The following CUL7 variants were observed in gnomAD, a reference collection of about 807,000 sequenced individuals.
CUL7 encodes the protein cullin-7.
In CUL7, 96 loss-of-function variants were observed where a neutral mutation model predicts 177.7. The observed-to-expected ratio is 0.54, with a 90% CI of 0.46 to 0.64. The LOEUF is 0.64. Ranked by LOEUF, CUL7 falls within the 30% of genes least tolerant of loss-of-function variation. CUL7 has a pLI of 0.00. For synonymous variants in CUL7, 824 were observed against 890.2 expected, an observed-to-expected ratio of 0.93 and a Z score of 1.32; for missense variants, 1,893 against 2,187.9, an observed-to-expected ratio of 0.87 and a Z score of 2.69.
At position 43,043,604 on chromosome 6, in the gene CUL7, A is replaced by G; in HGVS notation, c.3199T>C (p.Trp1067Arg). 1 of 1,611,748 alleles carries G rather than the reference A, an allele frequency of 6.2e-7. No individual in the cohort carries two copies. Among genetic ancestry groups the G allele is most frequent in the Non-Finnish European group, 8.5e-7 (1 of 1,178,800 alleles). Residue 1067 changes from tryptophan (W) to arginine (R), a missense_variant, in exon 17 of 26, where the codon TGG becomes CGG. By Grantham distance (101) the Trp-to-Arg change is moderately radical. Transcript: ENST00000265348. The surrounding 1 kb of genome is among the most constrained non-coding windows in gnomAD (Gnocchi z 4.2). Reference sequence around the variant, plus strand: ...CACTCCAGGTACTGGTCCAGCAGCCAACCCAGGGGGCTAATGCCATCCTCA... The same window carrying G: ...CACTCCAGGTACTGGTCCAGCAGCCGACCCAGGGGGCTAATGCCATCCTCA... ...PDEDGISPLGWLLDQYLECQE... is the reference protein window; with the variant it reads ...PDEDGISPLGRLLDQYLECQE...
Position 43,037,744 on chromosome 6 carries a change from G to T in CUL7, c.5041C>A (p.Arg1681=). 6.4e-7 allele frequency: 1 copy of T among 1,573,852 alleles called. No homozygotes were observed. Among genetic ancestry groups the T allele is most frequent in the Non-Finnish European group, 8.6e-7 (1 of 1,159,508 alleles). The change falls in exon 26 of 26, where the codon CGG becomes AGG. Residue 1681 remains arginine (R), a synonymous_variant. Coordinates refer to ENST00000265348, the MANE Select transcript of CUL7 (RefSeq NM_014780.5). The part of the protein sequence containing the change: ...LTFHTLQIRS[R]GVPYASCTAT... ...GTGCAGGAGGCATAGGGCACACCCC[G>T]GGAGCGAATCTGTAGGGTATGGAAG...
At position 43,051,985 on chromosome 6, in the gene CUL7, G is replaced by A. The variant is rs1764451436; in HGVS notation, c.581-222C>T. On this transcript the variant is annotated intron_variant, in intron 2 of 25. Coordinates refer to ENST00000265348, the MANE Select transcript of CUL7 (RefSeq NM_014780.5). This position sits in a 1 kb window ranked among gnomAD's most constrained non-coding sequence, Gnocchi z 5.0. ...TCTAAATTCTTCCTTTGCATAAAAA[G>A]CAACTAATTAATATGAGGTTCTTGA... is the stretch of plus-strand genomic sequence containing the variant. The A allele has an allele frequency of 4.2e-6, 4 of 947,212 alleles. No individual in the cohort carries two copies. The highest frequency in any genetic ancestry group is 6.3e-6 in the Non-Finnish European group (4 of 638,422). The allele number at this position is 947,212 out of a possible 1,614,324, so 58.7% of individuals were successfully genotyped here. A position where few individuals can be genotyped will look rare whatever the true frequency, so the allele number is the denominator to read the frequency against.
chr6:43,049,439 G>A lies in CUL7; in HGVS notation c.1793C>T (p.Ala598Val). The A allele has an allele frequency of 6.2e-7, 1 of 1,614,218 alleles. No individual in the cohort carries two copies. Among genetic ancestry groups the A allele is most frequent in the Admixed American group, 1.7e-5 (1 of 60,028 alleles). ...DVLLLDAQAQ[A>V]KDSEDAAKVE... ...TTTGGCTGCATCTTCTGAGTCCTTAGCCTGGGCCTGCGCGTCTAGCAGGAG... is the reference window on the plus strand; with the variant it reads ...TTTGGCTGCATCTTCTGAGTCCTTAACCTGGGCCTGCGCGTCTAGCAGGAG... Residue 598 changes from alanine to valine, a missense_variant, in exon 7 of 26, where the codon GCT becomes GTT. Physicochemically the swap from Ala to Val is moderately conservative, Grantham distance 64. This residue lies in a region of CUL7 where 973 missense variants were observed against 1,140.9 expected (regional missense o/e 0.85). Coordinates refer to ENST00000265348, the MANE Select transcript of CUL7 (RefSeq NM_014780.5).
intron 7 of CUL7, 152 bp downstream of exon 7, chr6:43,049,255 A>G: frequency 1.0e-6 from 1 of 1,001,142 alleles, no homozygotes; most frequent in Non-Finnish European, 1.5e-6. Context: ...AGGGAACACA[A>G]TGCCTGCTTC....
rs1420887100 is a variant in CUL7, at chr6:43,052,306, C to T, written c.483G>A (p.Arg161=). The change falls in exon 2 of 26, where the codon AGG becomes AGA. Residue 161 remains arginine (R), a synonymous_variant. Transcript: ENST00000265348. This position sits in a 1 kb window ranked among gnomAD's most constrained non-coding sequence, Gnocchi z 4.5. ...EPLTGVFKDP[R]VLDLLMHMLS... ...ACATGTGCATGAGCAAGTCCAGGAC[C>T]CTTGGGTCCTTGAATACTCCAGTGA... The T allele has an allele frequency of 1.2e-6, 2 of 1,614,208 alleles. No homozygotes were observed. Among genetic ancestry groups the T allele is most frequent in the Admixed American group, 1.7e-5 (1 of 60,024 alleles).
chr6:43,037,672 G>C lies in CUL7; in HGVS notation c.*16C>G. ...AAAAGCTCCAGCTCTACCTTCCCCT[G>C]ACCCCAAGTCTAGGGCTACCGGAAG... is the stretch of plus-strand genomic sequence containing the variant. On this transcript the variant is annotated 3_prime_UTR_variant, in exon 26 of 26. Transcript: ENST00000265348. 1.3e-6 allele frequency: 2 copies of C among 1,547,346 alleles called. No individual in the cohort carries two copies. The highest frequency in any genetic ancestry group is 1.7e-6 in the Non-Finnish European group (2 of 1,143,084).
Position 43,040,568 on chromosome 6 carries a change from C to G in CUL7, c.3985G>C (p.Glu1329Gln). 3 of 1,614,214 alleles carry G rather than the reference C, an allele frequency of 1.9e-6. No homozygotes were observed. The highest frequency in any genetic ancestry group is 2.5e-6 in the Non-Finnish European group (3 of 1,180,032). ...HVYQLQQLDQELLKLEDTEKK... is the reference protein window; with the variant it reads ...HVYQLQQLDQQLLKLEDTEKK... ...TCTGTATCCTCCAGCTTCAGGAGTT[C>G]CTGATCCAGCTGCTGGAGCTGGTAG... is the stretch of plus-strand genomic sequence containing the variant. Residue 1329 changes from glutamate to glutamine, a missense_variant, in exon 21 of 26, where the codon GAA becomes CAA. Coordinates refer to ENST00000265348, the MANE Select transcript of CUL7 (RefSeq NM_014780.5). The surrounding 1 kb of genome is among the most constrained non-coding windows in gnomAD (Gnocchi z 4.2).
In CUL7 at chr6:43,052,735, T is replaced by C; in HGVS notation, c.54A>G (p.Leu18=). ...REFRVPLGPG[L]HAYPDELIRQ... ...GGATCAGCTCATCAGGATAGGCATG[T>C]AAGCCGGGCCCCAGGGGCACCCTGA... is the stretch of plus-strand genomic sequence containing the variant. The change falls in exon 2 of 26, where the codon TTA becomes TTG. Residue 18 remains leucine (L), a synonymous_variant. Coordinates refer to ENST00000265348, the MANE Select transcript of CUL7 (RefSeq NM_014780.5). The surrounding 1 kb of genome is among the most constrained non-coding windows in gnomAD (Gnocchi z 4.5). The C allele has an allele frequency of 1.2e-6, 2 of 1,611,694 alleles. No individual in the cohort carries two copies. The highest frequency in any genetic ancestry group is 1.7e-6 in the Non-Finnish European group (2 of 1,180,026).
chr6:43,051,267 G>A lies in CUL7; in HGVS notation c.934C>T (p.Arg312Cys), dbSNP rs746206896. ...TLISELVQAM[R>C]WDQASDRPRS... ...GGTCTGTCTGAGGCCTGGTCCCAGC[G>A]CATGGCTTGCACCAGCTCCGAGATC... The change falls in exon 4 of 26, where the codon CGC (arginine) becomes TGC (cysteine). Residue 312 changes from arginine to cysteine, a missense_variant. Around this residue, in one of 5 missense-constraint regions of CUL7, gnomAD observed 653 missense variants for 725.2 expected, o/e 0.90. Transcript: ENST00000265348. This position sits in a 1 kb window ranked among gnomAD's most constrained non-coding sequence, Gnocchi z 5.0. 12 of 1,612,406 alleles carry A rather than the reference G, an allele frequency of 7.4e-6. No homozygotes were observed. The highest frequency in any genetic ancestry group is 1.7e-4 in the Middle Eastern group (1 of 6,058).
Position 43,051,387 on chromosome 6 carries a change from C to T in CUL7, c.814G>A (p.Ala272Thr), listed in dbSNP as rs760670806. Residue 272 changes from alanine to threonine, a missense_variant, in exon 4 of 26, where the codon GCG becomes ACG. Coordinates refer to ENST00000265348, the MANE Select transcript of CUL7 (RefSeq NM_014780.5). This position sits in a 1 kb window ranked among gnomAD's most constrained non-coding sequence, Gnocchi z 5.0. ...SLLDQLNDSAAEPGAQNTSAP... is the reference protein window; with the variant it reads ...SLLDQLNDSATEPGAQNTSAP... ...GAGGTGTTCTGGGCTCCTGGCTCCG[C>T]AGCACTGTCGTTCAGCTGATCCAGG... is the stretch of plus-strand genomic sequence containing the variant. 6.2e-7 allele frequency: 1 copy of T among 1,614,122 alleles called. No homozygotes were observed. Among genetic ancestry groups the T allele is most frequent in the East Asian group, 2.2e-5 (1 of 44,894 alleles).
intron 19 of CUL7, among the ~76,000 whole-genome samples, chr6:43,041,437 C>G (rs1239709814): frequency 6.6e-6 from 1 of 151,996 alleles, no homozygotes; most frequent in East Asian, 1.9e-4. Context: ...AAAACCCCAT[C>G]TCTACTAAAA....
At position 43,045,783 on chromosome 6, in the gene CUL7, G is replaced by C; in HGVS notation, c.2767-101C>G. The C allele has an allele frequency of 7.4e-7, 1 of 1,358,594 alleles. No homozygotes were observed. The highest frequency in any genetic ancestry group is 1.0e-6 in the Non-Finnish European group (1 of 958,428). 84.2% of individuals were successfully genotyped at this position (1,358,594 alleles called of 1,614,324 possible). Reference sequence around the variant, plus strand: ...GTTTCCCTCCCTTCCCCAGCCCTGGGATGTGTAGGGTCCTGACAAAGCTGT... The same window carrying C: ...GTTTCCCTCCCTTCCCCAGCCCTGGCATGTGTAGGGTCCTGACAAAGCTGT... On this transcript the variant is annotated intron_variant, in intron 13 of 25. Coordinates refer to ENST00000265348, the MANE Select transcript of CUL7 (RefSeq NM_014780.5). The surrounding 1 kb of genome is among the most constrained non-coding windows in gnomAD (Gnocchi z 4.8).
In CUL7 at chr6:43,049,516, G is replaced by C. The variant is rs150213603; in HGVS notation, c.1716C>G (p.Ala572=). 155 of 1,614,214 alleles carry C rather than the reference G, an allele frequency of 9.6e-5. 2 individuals carry two copies. The Admixed American group carries it at 2.4e-3, about 25-fold the overall frequency. The change falls in exon 7 of 26, where the codon GCC becomes GCG. Residue 572 remains alanine (A), a synonymous_variant. Coordinates refer to ENST00000265348, the MANE Select transcript of CUL7 (RefSeq NM_014780.5). Reference sequence around the variant, plus strand: ...ATGGGTAGGCTTGGTTCCCTGCTAGGGCTTCAGGCCCATACTTCTTGTAGA... The same window carrying C: ...ATGGGTAGGCTTGGTTCCCTGCTAGCGCTTCAGGCCCATACTTCTTGTAGA... ...CHVYKKYGPE[A]LAGNQAYPSL...
At position 43,047,056 on chromosome 6, in the gene CUL7, C is replaced by T. The variant is rs771299382; in HGVS notation, c.2221G>A (p.Asp741Asn). 2.4e-5 allele frequency: 38 copies of T among 1,613,642 alleles called. No homozygotes were observed. In the South Asian group the frequency reaches 4.2e-4, roughly 18 times the overall value. ...AGCTGATTCAGCACCACGGCATAGT[C>T]CCTGCTCACTGAGGTCAGGCGGTGC... is the stretch of plus-strand genomic sequence containing the variant. ...FLHRLTSVSR[D>N]YAVVLNQLGA... Residue 741 changes from aspartate (D) to asparagine (N), a missense_variant, in exon 10 of 26, where the codon GAC becomes AAC. By Grantham distance (23) the Asp-to-Asn change is conservative. Coordinates refer to ENST00000265348, the MANE Select transcript of CUL7 (RefSeq NM_014780.5).
intron 25 of CUL7, 97 bp downstream of exon 25, chr6:43,038,170 A>G: frequency 6.6e-7 from 1 of 1,507,574 alleles, no homozygotes; most frequent in Non-Finnish European, 9.1e-7. Context: ...TACACAGTGA[A>G]CCAGGTGCCT....
In CUL7 at chr6:43,037,973, C is replaced by A; in HGVS notation, c.4812G>T (p.Arg1604Ser). ...CCTTACCAAGGCTGCTGACCAAACC[C>A]CTGGGAGGACACGGGCCCTTCTGCC... ...EAWQKGPCPP[R>S]GLVSSLGKGS... Residue 1604 changes from arginine (R) to serine (S), a missense_variant, in exon 26 of 26, where the codon AGG (arginine) becomes AGT (serine). By Grantham distance (110) the Arg-to-Ser change is moderately radical (BLOSUM62 -1). Transcript: ENST00000265348. 6.3e-7 allele frequency: 1 copy of A among 1,596,524 alleles called. No individual in the cohort carries two copies. Among genetic ancestry groups the A allele is most frequent in the Non-Finnish European group, 8.5e-7 (1 of 1,169,774 alleles).
chr6:43,046,664 A>C (rs750320364), intron 10 of CUL7, 63 bp from the exon 11 acceptor site: 16 of 1,603,918 alleles, frequency 1.0e-5, no homozygotes, highest in Non-Finnish European at 1.4e-5. Context: ...ACACACACGG[A>C]AACACGGATG....
chr6:43,052,164 C>T lies in CUL7; in HGVS notation c.580+45G>A, dbSNP rs1218696936. 3.7e-6 allele frequency: 6 copies of T among 1,610,692 alleles called. No homozygotes were observed. The highest frequency in any genetic ancestry group is 5.1e-6 in the Non-Finnish European group (6 of 1,178,424). Reference sequence around the variant, plus strand: ...GTGTCCTGTGAGTCCCTGAGCCGACCCAGCCCTTCTCCTGCTTTCCCTTCC... The same window carrying T: ...GTGTCCTGTGAGTCCCTGAGCCGACTCAGCCCTTCTCCTGCTTTCCCTTCC... On this transcript the variant is annotated intron_variant, in intron 2 of 25. Coordinates refer to ENST00000265348, the MANE Select transcript of CUL7 (RefSeq NM_014780.5). The surrounding 1 kb of genome is among the most constrained non-coding windows in gnomAD (Gnocchi z 4.5).
intron 25 of CUL7, 113 bp from the exon 26 acceptor site, chr6:43,038,124 G>T: frequency 6.7e-7 from 1 of 1,496,442 alleles, no homozygotes. Context: ...AGGACACGAG[G>T]TACATCCCGA....
Sources: gnomAD v4.1 joint callset for allele counts (sites outside exome capture counted in the v4.1 genomes callset) on GRCh38, gnomAD v4.1.1 for gene constraint, gnomAD v4.1.1 regional missense constraint, Gnocchi (gnomAD v3.1) non-coding constraint, MANE v1.5 for transcripts, NCBI Gene and HGNC (gene_info 2026-07-23, HGNC 2026-07-21) for gene names.